Variants in KDM4B observed in about 807,000 individuals in gnomAD.
KDM4B encodes the protein lysine demethylase 4B.
In KDM4B, 32 loss-of-function variants were observed where a neutral mutation model predicts 125.2. The ratio of observed to expected loss-of-function variants is 0.26; its 90% CI spans 0.19 to 0.34. The LOEUF is 0.34. Ranked by LOEUF, KDM4B falls within the 10% of genes least tolerant of loss-of-function variation. The pLI is 1.00. For missense variants in KDM4B, 1,190 were observed against 1,577.7 expected (o/e 0.75, Z 4.16); for synonymous variants, 721 against 677.9 (o/e 1.06, Z -0.99).
chr19:5,039,709 C>T, intron 3 of KDM4B, 127 bp from the exon 4 acceptor site: 2 of 1,063,102 alleles, frequency 1.9e-6, no homozygotes, highest in Non-Finnish European at 2.7e-6. Flanking sequence ...TCCTCGTGCC[C>T]CTGGGGGGTG....
At position 5,114,863 on chromosome 19, in the gene KDM4B, C is replaced by T. The variant is rs147191287; in HGVS notation, c.1115+4045C>T. Among the ~76,000 whole-genome samples the T allele has an allele frequency of 0.013, 2,040 of 152,374 alleles. 42 individuals carry two copies. The highest frequency in any genetic ancestry group is 0.047 in the African/African-American group (1,964 of 41,590). On this transcript the variant is annotated intron_variant, in intron 10 of 22. Coordinates refer to ENST00000159111, the MANE Select transcript of KDM4B (RefSeq NM_015015.3). This position sits in a 1 kb window ranked among gnomAD's most constrained non-coding sequence, Gnocchi z 5.8. Reference sequence around the variant, plus strand: ...CTCCTGCCATACAAGCTGCAAAGGACACCTGCTTCCACCTTGGAAATATTA... The same window carrying T: ...CTCCTGCCATACAAGCTGCAAAGGATACCTGCTTCCACCTTGGAAATATTA...
intron 2 of KDM4B, among the ~76,000 whole-genome samples, chr19:5,031,303 G>T (rs2036448071): frequency 6.6e-6 from 1 of 152,216 alleles, no homozygotes; most frequent in Admixed American, 6.5e-5. Context: ...GCTGGTCTCT[G>T]GGCACAGGCA....
intron 9 of KDM4B, among the ~76,000 whole-genome samples, chr19:5,086,672 TG>T (rs1335262875): frequency 6.6e-6 from 1 of 152,106 alleles, no homozygotes; most frequent in East Asian, 1.9e-4. Flanking sequence ...AGGGCCTCTG[TG>T]GGCAGAGGGG....
At chr19:5,027,189 G>T (rs62114353) in intron 2 of KDM4B, among the ~76,000 whole-genome samples, 38,577 of 152,232 alleles carry the variant, frequency 0.25, 6,406 homozygotes, top group East Asian at 0.69. Flanking sequence ...AGCCGGTACG[G>T]TTGCCCTGCG....
At chr19:5,102,979 A>G (rs950748056) in intron 9 of KDM4B, among the ~76,000 whole-genome samples, 1 of 152,236 alleles carries the variant, frequency 6.6e-6, no homozygotes, top group African/African-American at 2.4e-5. Flanking sequence ...GTGGAGCCAT[A>G]GTCGCCTCTC....
intron 6 of KDM4B, among the ~76,000 whole-genome samples, chr19:5,056,019 C>A (rs1174624228): frequency 6.6e-6 from 1 of 152,202 alleles, no homozygotes; most frequent in African/African-American, 2.4e-5. Context: ...CATCCGGGTC[C>A]CACGTGATGT....
At chr19:5,021,027 A>G (rs1346119568) in intron 2 of KDM4B, among the ~76,000 whole-genome samples, 3 of 151,824 alleles carry the variant, frequency 2.0e-5, no homozygotes, top group Admixed American at 6.6e-5. Context: ...TGTGCCTACA[A>G]TCCCAGCTAC....
chr19:5,131,260 C>T lies in KDM4B; in HGVS notation c.1500C>T (p.Ser500=), dbSNP rs1333963224. The stretch of plus-strand genomic sequence containing the variant: ...CAGGCCCTGCAGCCATGGAGGAGAG[C>T]CCCCTGCCGGCACCCCTTAATGTCG... ...LGPGPAAMEE[S]PLPAPLNVVP... The change falls in exon 12 of 23, where the codon AGC becomes AGT. Residue 500 remains serine, a synonymous_variant. Coordinates refer to ENST00000159111, the MANE Select transcript of KDM4B (RefSeq NM_015015.3). The T allele has an allele frequency of 1.9e-6, 3 of 1,609,522 alleles. No individual in the cohort carries two copies. In the African/African-American group the frequency reaches 4.0e-5, roughly 22 times the overall value.
intron 1 of KDM4B, among the ~76,000 whole-genome samples, chr19:4,994,343 G>T (rs561446308): frequency 6.6e-6 from 1 of 151,640 alleles, no homozygotes; most frequent in African/African-American, 2.4e-5. Context: ...AGGCCGAGGC[G>T]GGTGGATCAC....
At chr19:4,973,390 T>C (rs367681218) in intron 1 of KDM4B, among the ~76,000 whole-genome samples, 3 of 152,220 alleles carry the variant, frequency 2.0e-5, no homozygotes, top group South Asian at 2.1e-4. Flanking sequence ...GGTTTCACCA[T>C]GTTGACCAGG....
intron 3 of KDM4B, among the ~76,000 whole-genome samples, chr19:5,038,871 G>A (rs1042414667): frequency 3.3e-5 from 5 of 152,226 alleles, no homozygotes; most frequent in South Asian, 4.1e-4. Context: ...CCCTCCCTGC[G>A]CCTGCACTTC....
At chr19:4,991,984 G>A (rs1330782683) in intron 1 of KDM4B, among the ~76,000 whole-genome samples, 3 of 152,094 alleles carry the variant, frequency 2.0e-5, no homozygotes, top group African/African-American at 4.8e-5. Context: ...GCTTATTTCT[G>A]TGAGACGGGT....
chr19:5,041,197 C>T lies in KDM4B; in HGVS notation c.378C>T (p.Leu126=), dbSNP rs1478991540. ...TTGAACGCAAATACTGGAAGAACCT[C>T]ACCTTTGTCTCCCCGATCTACGGGG... ...DDLERKYWKN[L]TFVSPIYGAD... The change falls in exon 5 of 23, where the codon CTC becomes CTT. Residue 126 remains leucine, a synonymous_variant. Transcript: ENST00000159111. The T allele has an allele frequency of 1.9e-6, 3 of 1,613,406 alleles. No individual in the cohort carries two copies. Among genetic ancestry groups the T allele is most frequent in the Non-Finnish European group, 8.5e-7 (1 of 1,179,488 alleles).
At chr19:5,138,267 A>T (rs2039684267) in intron 18 of KDM4B, 197 bp downstream of exon 18, 8 of 583,456 alleles carry the variant, frequency 1.4e-5, no homozygotes, top group Non-Finnish European at 2.4e-5. Flanking sequence ...CCGAGGTGCA[A>T]GGTACAAAAA....
rs1438883646 is a variant in KDM4B, at chr19:5,078,427, G to A, written c.780+957G>A. 6.6e-6 allele frequency: 1 copy of A among 152,160 alleles called. No individual in the cohort carries two copies. The highest frequency in any genetic ancestry group is 6.5e-5 in the Admixed American group (1 of 15,272). 9.4% of individuals were successfully genotyped at this position (152,160 alleles called of 1,614,324 possible). A position where few individuals can be genotyped will look rare whatever the true frequency, so the allele number is the denominator to read the frequency against. Reference sequence around the variant, plus strand: ...ATCGGGGATCCGCTCTTCCTGGCGGGGCTGCAACCCAGAGGCCGCCTCCCA... The same window carrying A: ...ATCGGGGATCCGCTCTTCCTGGCGGAGCTGCAACCCAGAGGCCGCCTCCCA... On this transcript the variant is annotated intron_variant, in intron 8 of 22. Transcript: ENST00000159111. The surrounding 1 kb of genome is among the most constrained non-coding windows in gnomAD (Gnocchi z 4.5).
At chr19:4,996,188 C>G (rs1419139079) in intron 1 of KDM4B, among the ~76,000 whole-genome samples, 9 of 152,094 alleles carry the variant, frequency 5.9e-5, no homozygotes, top group African/African-American at 2.2e-4. Context: ...TGGGGTTTCT[C>G]CATGTTGGCC....
intron 5 of KDM4B, among the ~76,000 whole-genome samples, chr19:5,041,705 A>T (rs1343996116): frequency 6.6e-6 from 1 of 152,208 alleles, no homozygotes; most frequent in African/African-American, 2.4e-5. Flanking sequence ...GGTCTGCTGG[A>T]GCGTCCTCTT....
At position 5,135,388 on chromosome 19, in the gene KDM4B, G is replaced by A. The variant is rs929373805; in HGVS notation, c.2135G>A (p.Cys712Tyr). 6.2e-7 allele frequency: 1 copy of A among 1,613,584 alleles called. No individual in the cohort carries two copies. Among genetic ancestry groups the A allele is most frequent in the Admixed American group, 1.7e-5 (1 of 60,024 alleles). Residue 712 changes from cysteine (C) to tyrosine (Y), a missense_variant, in exon 15 of 23, where the codon TGC becomes TAC. By Grantham distance (194) the Cys-to-Tyr change is radical. Around this residue, in one of 7 missense-constraint regions of KDM4B, gnomAD observed 128 missense variants for 137.8 expected, o/e 0.93. Coordinates refer to ENST00000159111, the MANE Select transcript of KDM4B (RefSeq NM_015015.3). ...CCCATAGCCTCCCTCGGAGAGGGCT[G>A]CCCGGCCACATTACCCTCCAAAAGC... Reference protein sequence around the residue: ...EAPIASLGEGCPATLPSKSRQ... With the variant: ...EAPIASLGEGYPATLPSKSRQ...
intron 11 of KDM4B, among the ~76,000 whole-genome samples, chr19:5,123,856 G>A (rs1021505843): frequency 6.6e-6 from 1 of 152,186 alleles, no homozygotes. Flanking sequence ...CCCCAGGCGA[G>A]GTCGGCAGGG....
Sources: allele counts gnomAD v4.1 joint callset (sites outside exome capture counted in the v4.1 genomes callset), GRCh38; gene constraint gnomAD v4.1.1; regional missense constraint gnomAD v4.1.1; non-coding constraint Gnocchi (gnomAD v3.1); transcripts MANE v1.5; gene names NCBI Gene and HGNC (gene_info 2026-07-23, HGNC 2026-07-21).